Variants in ULK4 observed in about 807,000 individuals in gnomAD.
The protein encoded by ULK4 is inactive serine/threonine-protein kinase ULK4.
ULK4 carries 133 observed loss-of-function variants against 160.6 expected under a neutral mutation model. The ratio of observed to expected loss-of-function variants is 0.83; its 90% confidence interval spans 0.72 to 0.96. ULK4 has a LOEUF of 0.96. ULK4 is among the 40% of genes least tolerant of loss of function. The pLI is 0.00. For synonymous variants in ULK4, 534 were observed against 539.8 expected (o/e 0.99, Z 0.15); for missense variants, 1,580 against 1,499.5 (o/e 1.05, Z -0.89).
Position 41,644,960 on chromosome 3 carries a change from G to C in ULK4, c.3071+18647C>G, listed in dbSNP as rs543098734. Among the ~76,000 whole-genome samples, 40 of 142,146 alleles carry C rather than the reference G, an allele frequency of 2.8e-4. No homozygotes were observed. In the East Asian group the frequency reaches 8.0e-3, roughly 28 times the overall value. The allele number at this position is 142,146 out of a possible 152,430, so 93.3% of individuals were successfully genotyped here. ...TCGAGGAATTTATCCATTTCTTCTA[G>C]ATTTTCTAGTTTATTTGTGTAGAGG... is the stretch of plus-strand genomic sequence containing the variant. On this transcript the variant is annotated intron_variant, in intron 30 of 36. Transcript: ENST00000301831.
intron 12 of ULK4, among the ~76,000 whole-genome samples, chr3:41,901,827 T>C (rs1259890100): frequency 6.6e-6 from 1 of 152,106 alleles, no homozygotes; most frequent in East Asian, 1.9e-4. Context: ...TATTTCTGCT[T>C]TACAGAACAT....
chr3:41,871,500 T>C (rs1272598765), intron 17 of ULK4, among the ~76,000 whole-genome samples: 1 of 152,226 alleles, frequency 6.6e-6, no homozygotes, highest in African/African-American at 2.4e-5. Context: ...CAGAGCTAGT[T>C]TTTCAGCATC....
chr3:41,555,755 CAT>C (rs2087269247), intron 32 of ULK4, among the ~76,000 whole-genome samples: 4 of 152,170 alleles, frequency 2.6e-5, no homozygotes, highest in Admixed American at 2.6e-4. Flanking sequence ...ATAGCTAAGA[CAT>C]GGAATCAATC....
At chr3:41,528,370 A>C (rs532042906) in intron 32 of ULK4, among the ~76,000 whole-genome samples, 1 of 152,348 alleles carries the variant, frequency 6.6e-6, no homozygotes, top group Admixed American at 6.5e-5. Flanking sequence ...GAATTCATCA[A>C]TAGAAATGTA....
chr3:41,538,212 G>C (rs1431488778), intron 32 of ULK4, among the ~76,000 whole-genome samples: 1 of 152,032 alleles, frequency 6.6e-6, no homozygotes, highest in Non-Finnish European at 1.5e-5. Flanking sequence ...AATCATATTA[G>C]AGTCTAGAGA....
At chr3:41,637,060 T>C (rs1415343015) in intron 30 of ULK4, among the ~76,000 whole-genome samples, 2 of 152,166 alleles carry the variant, frequency 1.3e-5, no homozygotes, top group Non-Finnish European at 2.9e-5. Context: ...ATACATTATC[T>C]TCTTGTGGTG....
At chr3:41,897,042 GA>G (rs1698184659) in intron 14 of ULK4, 39 bp from the exon 15 acceptor site, 2 of 1,513,456 alleles carry the variant, frequency 1.3e-6, no homozygotes. Flanking sequence ...CATATGATGA[GA>G]AAAAGAACTG....
intron 22 of ULK4, among the ~76,000 whole-genome samples, chr3:41,733,727 T>A (rs1044610298): frequency 2.1e-5 from 2 of 94,598 alleles, no homozygotes; most frequent in African/African-American, 8.4e-5. Flanking sequence ...AACACATGAT[T>A]TTTTTTTTTT....
chr3:41,614,952 C>T lies in ULK4; in HGVS notation c.3120+717G>A, dbSNP rs190804862. On this transcript the variant is annotated intron_variant, in intron 31 of 36. Transcript: ENST00000301831. ...GTTACTGAGCTAGGGAGGTAAAGTA[C>T]TTAGGAAAAGAGAATAACATACCCA... Among the ~76,000 whole-genome samples the T allele has an allele frequency of 4.6e-5, 7 of 152,204 alleles. No individual in the cohort carries two copies. The East Asian group carries it at 1.3e-3, about 29-fold the overall frequency.
At chr3:41,704,547 GAC>G (rs1447431027) in intron 27 of ULK4, among the ~76,000 whole-genome samples, 2 of 152,154 alleles carry the variant, frequency 1.3e-5, no homozygotes, top group Non-Finnish European at 2.9e-5. Flanking sequence ...ATCCTTCTAA[GAC>G]ACAGTTTCCC....
intron 34 of ULK4, among the ~76,000 whole-genome samples, chr3:41,445,986 G>A (rs1005070317): frequency 6.6e-6 from 1 of 151,896 alleles, no homozygotes; most frequent in African/African-American, 2.4e-5. Flanking sequence ...CTGACAAAGG[G>A]CTAATATCAA....
chr3:41,564,935 G>A (rs1010366316), intron 32 of ULK4, among the ~76,000 whole-genome samples: 1 of 152,012 alleles, frequency 6.6e-6, no homozygotes, highest in African/African-American at 2.4e-5. Flanking sequence ...CCCTATACAG[G>A]TGTATCATGT....
At chr3:41,848,771 A>G (rs896258423) in intron 17 of ULK4, among the ~76,000 whole-genome samples, 5 of 152,194 alleles carry the variant, frequency 3.3e-5, no homozygotes, top group Non-Finnish European at 5.9e-5. Flanking sequence ...GACTATTCCA[A>G]TCTTCTCTTG....
intron 31 of ULK4, among the ~76,000 whole-genome samples, chr3:41,572,971 C>A (rs1369396662): frequency 3.3e-5 from 5 of 152,054 alleles, no homozygotes; most frequent in South Asian, 2.1e-4. Context: ...CATTGAGAGC[C>A]CACAAAAGGC....
intron 5 of ULK4, among the ~76,000 whole-genome samples, chr3:41,930,569 A>G (rs1699557113): frequency 6.6e-6 from 1 of 152,230 alleles, no homozygotes; most frequent in Non-Finnish European, 1.5e-5. Flanking sequence ...AGAATGGGAG[A>G]AAATTTTTGC....
chr3:41,827,670 CA>C (rs1559586779), intron 18 of ULK4, among the ~76,000 whole-genome samples: 1 of 151,892 alleles, frequency 6.6e-6, no homozygotes, highest in Non-Finnish European at 1.5e-5. Flanking sequence ...GCTTACCAAC[CA>C]AAAAAAGTTC....
intron 32 of ULK4, among the ~76,000 whole-genome samples, chr3:41,501,589 A>T (rs557249589): frequency 9.2e-5 from 14 of 152,338 alleles, no homozygotes; most frequent in African/African-American, 3.1e-4. Context: ...ATGCTTTGAT[A>T]TATGTATATA....
At chr3:41,824,711 C>A (rs922653159) in intron 18 of ULK4, among the ~76,000 whole-genome samples, 5 of 152,300 alleles carry the variant, frequency 3.3e-5, no homozygotes, top group African/African-American at 1.2e-4. Flanking sequence ...AGGAGGCCTG[C>A]CTGCCTCTGT....
chr3:41,538,434 T>C (rs1422196894), intron 32 of ULK4, among the ~76,000 whole-genome samples: 1 of 152,142 alleles, frequency 6.6e-6, no homozygotes, highest in East Asian at 1.9e-4. Context: ...CAATCTACAA[T>C]ACTTATCAAA....
Sources: allele counts gnomAD v4.1 joint callset (sites outside exome capture counted in the v4.1 genomes callset), GRCh38; gene constraint gnomAD v4.1.1; transcripts MANE v1.5; gene names NCBI Gene and HGNC (gene_info 2026-07-23, HGNC 2026-07-21).